Variants in KMO observed in about 807,000 individuals in gnomAD.
KMO encodes the protein kynurenine 3-monooxygenase, also known as kynurenine 3-hydroxylase.
A neutral mutation model predicts 57.8 loss-of-function variants in KMO; 24 were observed. The ratio of observed to expected loss-of-function variants is 0.42; its 90% CI spans 0.30 to 0.58. The LOEUF is 0.58. Among genes scored for constraint, KMO ranks in the 20% least tolerant of loss-of-function variants. The pLI is 0.22. For missense variants in KMO, 483 were observed against 588.2 expected (o/e 0.82, Z 1.85); for synonymous variants, 210 against 193.6 (o/e 1.08, Z -0.70).
intron 2 of KMO, among the ~76,000 whole-genome samples, chr1:241,549,308 AAGAG>A (rs202011165): frequency 2.6e-5 from 4 of 151,582 alleles, no homozygotes; most frequent in East Asian, 1.9e-4. Flanking sequence ...GCAAGAAAGA[AAGAG>A]AGAAAGAGCA....
rs138780500 is a variant in KMO, at chr1:241,534,368, G to A, written c.54+1870G>A. ...GGTTTTGGGGGGCATAAAAATGTGG[G>A]TGTCATCCATGGATTTCTCCCTGAA... On this transcript the variant is annotated intron_variant, in intron 1 of 14. Transcript: ENST00000366559. Among the ~76,000 whole-genome samples the A allele has an allele frequency of 3.3e-5, 5 of 152,272 alleles. No individual in the cohort carries two copies. The East Asian group carries it at 9.6e-4, about 29-fold the overall frequency.
chr1:241,564,362 T>C (rs1661996768), intron 7 of KMO, among the ~76,000 whole-genome samples: 1 of 152,140 alleles, frequency 6.6e-6, no homozygotes, highest in African/African-American at 2.4e-5. Context: ...CAATTAATAC[T>C]TATTCAGGCT....
At chr1:241,560,424 T>C (rs1472551904) in intron 5 of KMO, among the ~76,000 whole-genome samples, 5 of 152,208 alleles carry the variant, frequency 3.3e-5, no homozygotes, top group Admixed American at 6.5e-5. Context: ...ATGGAATCAG[T>C]TGGATGTTTT....
At position 241,594,458 on chromosome 1, in the gene KMO, T is replaced by G. The variant is rs765144031; in HGVS notation, c.*2305T>G. 1 of 1,614,122 alleles carries G rather than the reference T, an allele frequency of 6.2e-7. No individual in the cohort carries two copies. Among genetic ancestry groups the G allele is most frequent in the East Asian group, 2.2e-5 (1 of 44,876 alleles). Reference sequence around the variant, plus strand: ...AAGGACGAACTTGGATTACATCAACTTTGGACCCATTGGTTTTGTCGCTGT... The same window carrying G: ...AAGGACGAACTTGGATTACATCAACGTTGGACCCATTGGTTTTGTCGCTGT... On this transcript the variant is annotated 3_prime_UTR_variant, in exon 15 of 15. Transcript: ENST00000366559.
intron 10 of KMO, 102 bp downstream of exon 10, chr1:241,568,749 C>T (rs768222208): frequency 9.3e-7 from 1 of 1,077,206 alleles, no homozygotes; most frequent in Non-Finnish European, 1.3e-6. Context: ...CCCACATAAT[C>T]CCTGAAAGCA....
Position 241,594,589 on chromosome 1 carries a change from T to G in KMO, c.*2436T>G. ...TCCCCATCTTTCTGTGACATCACAA[T>G]GGGTCTGATCTGCATTTCACTTCCA... On this transcript the variant is annotated 3_prime_UTR_variant, in exon 15 of 15. Coordinates refer to ENST00000366559, the MANE Select transcript of KMO (RefSeq NM_003679.5). The G allele has an allele frequency of 6.2e-7, 1 of 1,614,130 alleles. No individual in the cohort carries two copies. The highest frequency in any genetic ancestry group is 2.2e-5 in the East Asian group (1 of 44,868).
At chr1:241,560,862 G>A (rs1661810468) in intron 6 of KMO, 110 bp downstream of exon 6, 1 of 751,400 alleles carries the variant, frequency 1.3e-6, no homozygotes, top group Non-Finnish European at 2.3e-6. Flanking sequence ...ATTATTGAAA[G>A]GATCATCCAA....
chr1:241,560,414 ATGGAATCAGT>A (rs1409824290), intron 5 of KMO, among the ~76,000 whole-genome samples: 3 of 152,228 alleles, frequency 2.0e-5, no homozygotes, highest in Admixed American at 6.5e-5. Flanking sequence ...AGTTTGCACA[ATGGAATCAGT>A]TGGATGTTTT....
chr1:241,564,521 G>T (rs1310102035), intron 7 of KMO, among the ~76,000 whole-genome samples: 2 of 151,724 alleles, frequency 1.3e-5, no homozygotes, highest in Non-Finnish European at 2.9e-5. Context: ...TTTTTGTCCA[G>T]TATAGATAAG....
intron 9 of KMO, among the ~76,000 whole-genome samples, chr1:241,566,993 C>A (rs1330585169): frequency 6.6e-6 from 1 of 152,178 alleles, no homozygotes; most frequent in African/African-American, 2.4e-5. Flanking sequence ...CCTACACTTA[C>A]TAGACACGTA....
At chr1:241,552,296 G>A (rs1239689163) in intron 4 of KMO, among the ~76,000 whole-genome samples, 1 of 152,030 alleles carries the variant, frequency 6.6e-6, no homozygotes, top group Admixed American at 6.6e-5. Flanking sequence ...GGCCCCTCCC[G>A]CATCATTCCT....
intron 5 of KMO, among the ~76,000 whole-genome samples, chr1:241,556,344 C>T (rs1042501983): frequency 1.3e-5 from 2 of 151,898 alleles, no homozygotes; most frequent in African/African-American, 2.4e-5. Flanking sequence ...CTATGTTGTC[C>T]AGGTTGGTCT....
intron 1 of KMO, among the ~76,000 whole-genome samples, chr1:241,543,300 T>C (rs1160535181): frequency 1.3e-5 from 2 of 152,182 alleles, no homozygotes; most frequent in African/African-American, 2.4e-5. Flanking sequence ...TACATATTTA[T>C]CTCATGTATA....
At position 241,561,148 on chromosome 1, in the gene KMO, G is replaced by A. The variant is rs187124201; in HGVS notation, c.449+396G>A. Among the ~76,000 whole-genome samples, 892 of 152,134 alleles carry A rather than the reference G, an allele frequency of 5.9e-3. 2 individuals are homozygous for A. Among genetic ancestry groups the A allele is most frequent in the Non-Finnish European group, 9.0e-3 (613 of 68,006 alleles). ...TCCAAGCCTCATATCCCACTCTTGCGATATGCTATGGATCCACGCTCATGG... is the reference window on the plus strand; with the variant it reads ...TCCAAGCCTCATATCCCACTCTTGCAATATGCTATGGATCCACGCTCATGG... On this transcript the variant is annotated intron_variant, in intron 6 of 14. Transcript: ENST00000366559.
intron 10 of KMO, among the ~76,000 whole-genome samples, chr1:241,573,401 G>T (rs1213218147): frequency 6.6e-6 from 1 of 152,058 alleles, no homozygotes; most frequent in Admixed American, 6.6e-5. Flanking sequence ...AATTTTTATG[G>T]TTTCAGGTCT....
intron 1 of KMO, among the ~76,000 whole-genome samples, chr1:241,535,127 T>C (rs1021735530): frequency 6.6e-6 from 1 of 152,068 alleles, no homozygotes; most frequent in Non-Finnish European, 1.5e-5. Flanking sequence ...GGTGAAAAAA[T>C]AATAACAGAT....
intron 5 of KMO, among the ~76,000 whole-genome samples, chr1:241,560,116 T>C (rs1661782219): frequency 6.6e-6 from 1 of 152,088 alleles, no homozygotes; most frequent in African/African-American, 2.4e-5. Context: ...ATTACGAAAA[T>C]AATTTGTTTC....
chr1:241,594,448 T>C lies in KMO; in HGVS notation c.*2295T>C. 1 of 1,613,290 alleles carries C rather than the reference T, an allele frequency of 6.2e-7. No individual in the cohort carries two copies. The highest frequency in any genetic ancestry group is 8.5e-7 in the Non-Finnish European group (1 of 1,179,300). Reference sequence around the variant, plus strand: ...CATTCCTACAAAGGACGAACTTGGATTACATCAACTTTGGACCCATTGGTT... The same window carrying C: ...CATTCCTACAAAGGACGAACTTGGACTACATCAACTTTGGACCCATTGGTT... On this transcript the variant is annotated 3_prime_UTR_variant, in exon 15 of 15. Coordinates refer to ENST00000366559, the MANE Select transcript of KMO (RefSeq NM_003679.5).
At chr1:241,573,029 C>T (rs1662362533) in intron 10 of KMO, among the ~76,000 whole-genome samples, 1 of 152,110 alleles carries the variant, frequency 6.6e-6, no homozygotes, top group South Asian at 2.1e-4. Flanking sequence ...TCTTTATGCA[C>T]TCATTGGTCA....
Sources: gnomAD v4.1 joint callset for allele counts (sites outside exome capture counted in the v4.1 genomes callset) on GRCh38, gnomAD v4.1.1 for gene constraint, MANE v1.5 for transcripts, NCBI Gene and HGNC (gene_info 2026-07-23, HGNC 2026-07-21) for gene names.